The following CNBP variants were observed in gnomAD, a reference collection of about 807,000 sequenced individuals.
CNBP encodes CCHC-type zinc finger nucleic acid binding protein.
CNBP carries 6 observed loss-of-function variants against 21.2 expected under a neutral mutation model. That is an observed-to-expected ratio of 0.28 (90% CI 0.16 to 0.56). The LOEUF (loss-of-function observed/expected upper bound fraction) is 0.56. CNBP is among the 20% of genes least tolerant of loss of function. The pLI, the probability that CNBP is intolerant of heterozygous loss-of-function variation, is 0.93. For synonymous variants in CNBP, 61 were observed against 74.9 expected (o/e 0.81, Z 0.96); for missense variants, 112 against 233.1 (o/e 0.48, Z 3.38).
intron 1 of CNBP, among the ~76,000 whole-genome samples, chr3:129,179,862 C>T (rs1019765224): frequency 2.1e-4 from 32 of 152,080 alleles, no homozygotes; most frequent in African/African-American, 6.7e-4. Context: ...AAAAATTAGC[C>T]GGGCGTGGTG....
intron 1 of CNBP, among the ~76,000 whole-genome samples, chr3:129,174,331 C>T (rs1362453423): frequency 7.4e-6 from 1 of 135,328 alleles, no homozygotes; most frequent in Admixed American, 8.0e-5. Flanking sequence ...CTGGTTTCCA[C>T]CACAGAAGAG....
intron 1 of CNBP, among the ~76,000 whole-genome samples, chr3:129,174,348 T>TGAAAAAAA (rs1222085418): frequency 4.1e-5 from 1 of 24,442 alleles, no homozygotes; most frequent in African/African-American, 2.4e-4. Flanking sequence ...AGAGTCAGAA[T>TGAAAAAAA]TAAAAAAAAA....
In CNBP at chr3:129,169,652, CATCT is replaced by C. The variant is rs552305223; in HGVS notation, c.*797_*800del. The C allele has an allele frequency of 6.7e-3, 1,405 of 210,720 alleles. 4 individuals are homozygous for C. Among genetic ancestry groups the C allele is most frequent in the Admixed American group, 0.017 (297 of 16,978 alleles). 13.1% of individuals were successfully genotyped at this position (210,720 alleles called of 1,614,324 possible). The stretch of plus-strand genomic sequence containing the variant: ...TTTCTAGGACTTCAGTTGCTCTTTC[CATCT>C]GACTTTTAAAAACTGATTACAGCAA... On this transcript the variant is annotated 3_prime_UTR_variant, in exon 5 of 5. Coordinates refer to ENST00000422453, the MANE Select transcript of CNBP (RefSeq NM_003418.5).
chr3:129,168,222 TAAGTA>T lies in CNBP; in HGVS notation c.*2226_*2230del, dbSNP rs1361552712. Among the ~76,000 whole-genome samples, 1 of 152,136 alleles carries T rather than the reference TAAGTA, an allele frequency of 6.6e-6. No homozygotes were observed. Among genetic ancestry groups the T allele is most frequent in the Non-Finnish European group, 1.5e-5 (1 of 68,030 alleles). On this transcript the variant is annotated 3_prime_UTR_variant, in exon 5 of 5. Transcript: ENST00000422453. ...GTTCCAGGCTCTAACTGTACATCCT[TAAGTA>T]AATTAAGTTTAACTCATCTATTAAA...
chr3:129,179,298 A>G (rs1204679362), intron 1 of CNBP, among the ~76,000 whole-genome samples: 1 of 152,134 alleles, frequency 6.6e-6, no homozygotes, highest in Non-Finnish European at 1.5e-5. Flanking sequence ...AAGAAGAAAA[A>G]AAAAGCAATG....
chr3:129,176,636 T>C (rs577369602), intron 1 of CNBP, among the ~76,000 whole-genome samples: 1 of 152,294 alleles, frequency 6.6e-6, no homozygotes, highest in East Asian at 1.9e-4. Flanking sequence ...TACTGCACCA[T>C]TAATTTAAAG....
rs1172278396 is a variant in CNBP at position 129,168,133 on chromosome 3, A to G, written c.*2320T>C. Among the ~76,000 whole-genome samples the G allele has an allele frequency of 6.6e-6, 1 of 152,188 alleles. No homozygotes were observed. The highest frequency in any genetic ancestry group is 1.5e-5 in the Non-Finnish European group (1 of 68,040). ...ATGGAGGGGGAAAATGAACTATATG[A>G]TGCTAACCGCATTTAATTTCGAAGT... On this transcript the variant is annotated 3_prime_UTR_variant, in exon 5 of 5. Transcript: ENST00000422453.
At chr3:129,172,448 G>A (rs552034129) in intron 1 of CNBP, among the ~76,000 whole-genome samples, 8 of 152,176 alleles carry the variant, frequency 5.3e-5, no homozygotes, top group African/African-American at 1.4e-4. Context: ...CGGGCATGGC[G>A]GCATGCGCCT....
intron 1 of CNBP, among the ~76,000 whole-genome samples, chr3:129,181,660 A>AAAAAAAAAAAAAAAAAAAAAAAAAAC (rs1938309928): frequency 6.7e-6 from 1 of 149,486 alleles, no homozygotes. Context: ...AGAAAAAAAA[A>AAAAAAAAAAAAAAAAAAAAAAAAAAC]AAGAAAAACC....
rs757705986 is a variant in CNBP, at chr3:129,171,055, T to A, written c.416+24A>T. 18 of 1,599,254 alleles carry A rather than the reference T, an allele frequency of 1.1e-5. 1 individual carries two copies. Among genetic ancestry groups the A allele is most frequent in the Non-Finnish European group, 2.6e-6 (3 of 1,172,742 alleles). On this transcript the variant is annotated intron_variant, in intron 4 of 4. Coordinates refer to ENST00000422453, the MANE Select transcript of CNBP (RefSeq NM_003418.5). ...GAAGAATCTCTGCAATGAGTTTTCTTCTAACAACATTCTGACACCTTACCT... is the reference window on the plus strand; with the variant it reads ...GAAGAATCTCTGCAATGAGTTTTCTACTAACAACATTCTGACACCTTACCT...
At chr3:129,179,771 G>A (rs1938160903) in intron 1 of CNBP, among the ~76,000 whole-genome samples, 1 of 152,208 alleles carries the variant, frequency 6.6e-6, no homozygotes, top group Admixed American at 6.5e-5. Context: ...GGTGGAGGCT[G>A]CAGTGAGCCG....
Position 129,171,260 on chromosome 3 carries a change from T to C in CNBP, c.235A>G (p.Arg79Gly), listed in dbSNP as rs929252519. Residue 79 changes from arginine to glycine, a missense_variant, in exon 4 of 5, where the codon AGA becomes GGA. Arg to Gly is a moderately radical substitution (Grantham distance 125). Coordinates refer to ENST00000422453, the MANE Select transcript of CNBP (RefSeq NM_003418.5). ...LQEDACYNCGRGGHIAKDCKE... is the reference protein window; with the variant it reads ...LQEDACYNCGGGGHIAKDCKE... ...CAGTCCTTGGCAATGTGGCCACCTC[T>C]ACCGCAGTTATAGCAGGCTTCAACA... is the stretch of plus-strand genomic sequence containing the variant. 3 of 1,614,124 alleles carry C rather than the reference T, an allele frequency of 1.9e-6. No individual in the cohort carries two copies. The highest frequency in any genetic ancestry group is 2.5e-6 in the Non-Finnish European group (3 of 1,180,042).
intron 1 of CNBP, among the ~76,000 whole-genome samples, chr3:129,178,168 A>AC (rs1169462584): frequency 5.3e-5 from 8 of 151,542 alleles, no homozygotes; most frequent in South Asian, 4.2e-4. Context: ...CAAAAAAAAA[A>AC]AAAAAAAAAA....
chr3:129,169,866 T>C lies in CNBP; in HGVS notation c.*587A>G, dbSNP rs1178790912. On this transcript the variant is annotated 3_prime_UTR_variant, in exon 5 of 5. Transcript: ENST00000422453. ...TCTAAACCTTTGCCATCACCATCTATGTGTCCAACATCAACACTGTGATGA... is the reference window on the plus strand; with the variant it reads ...TCTAAACCTTTGCCATCACCATCTACGTGTCCAACATCAACACTGTGATGA... The C allele has an allele frequency of 1.3e-5, 3 of 229,372 alleles. No homozygotes were observed. Among genetic ancestry groups the C allele is most frequent in the East Asian group, 6.3e-5 (1 of 15,832 alleles). The allele number at this position is 229,372 out of a possible 1,614,324, so 14.2% of individuals were successfully genotyped here. A position where few individuals can be genotyped will look rare whatever the true frequency, so the allele number is the denominator to read the frequency against.
At chr3:129,183,447 G>T (rs1239687673) in intron 1 of CNBP, among the ~76,000 whole-genome samples, 1 of 152,340 alleles carries the variant, frequency 6.6e-6, no homozygotes, top group African/African-American at 2.4e-5. Context: ...CCCTCGAAGC[G>T]TCAGGGCCTC....
In CNBP at chr3:129,181,649, C is replaced by CAAAAAAAAAAAAAAAAAAAAAAA. The variant is rs1367375702; in HGVS notation, c.-15+2126_-15+2127insTTTTTTTTTTTTTTTTTTTTTTT. ...TGGGCGACAGAGTGAGACTCCGTCT[C>CAAAAAAAAAAAAAAAAAAAAAAA]AGAAAAAAAAAAAGAAAAACCCCTG... is the stretch of plus-strand genomic sequence containing the variant. On this transcript the variant is annotated intron_variant, in intron 1 of 4. Coordinates refer to ENST00000422453, the MANE Select transcript of CNBP (RefSeq NM_003418.5). 1.1e-3 allele frequency among the ~76,000 whole-genome samples: 80 copies of CAAAAAAAAAAAAAAAAAAAAAAA among 72,184 alleles called. 30 individuals carry two copies. The highest frequency in any genetic ancestry group is 4.5e-3 in the African/African-American group (64 of 14,176). The allele number at this position is 72,184 out of a possible 152,430, so 47.4% of individuals were successfully genotyped here.
At chr3:129,172,675 G>GGC (rs1560035104) in intron 1 of CNBP, among the ~76,000 whole-genome samples, 7 of 111,296 alleles carry the variant, frequency 6.3e-5, no homozygotes, top group Admixed American at 1.9e-4. Context: ...CAGACAGACA[G>GGC]ACAGACAGAC....
At chr3:129,172,403 G>A (rs1008574469) in intron 1 of CNBP, among the ~76,000 whole-genome samples, 1 of 151,606 alleles carries the variant, frequency 6.6e-6, no homozygotes, top group African/African-American at 2.4e-5. Flanking sequence ...CCAACATGGC[G>A]AAACCCCGTC....
chr3:129,171,837 A>C, intron 1 of CNBP, 66 bp from the exon 2 acceptor site: 2 of 1,504,742 alleles, frequency 1.3e-6, no homozygotes, highest in South Asian at 1.3e-5. Context: ...TTCTCTATTA[A>C]ATGTATTTTT....
Sources: allele counts gnomAD v4.1 joint callset (sites outside exome capture counted in the v4.1 genomes callset), GRCh38; gene constraint gnomAD v4.1.1; transcripts MANE v1.5; gene names NCBI Gene and HGNC (gene_info 2026-07-23, HGNC 2026-07-21).